The following TOP3B variants were observed in gnomAD, a reference collection of about 807,000 sequenced individuals.
TOP3B encodes the protein DNA topoisomerase III beta.
TOP3B carries 45 observed loss-of-function variants against 93.9 expected under a neutral mutation model. That is an observed-to-expected ratio of 0.48 (90% CI 0.38 to 0.61). The LOEUF (loss-of-function observed/expected upper bound fraction) is 0.61, where lower values mean the gene tolerates loss of function less well. Among genes scored for constraint, TOP3B ranks in the 20% least tolerant of loss-of-function variants. TOP3B has a pLI of 0.00. For synonymous variants in TOP3B, 357 were observed against 472.6 expected, an observed-to-expected ratio of 0.76 and a Z score of 3.17; for missense variants, 750 against 1,156.1, an observed-to-expected ratio of 0.65 and a Z score of 5.09.
chr22:21,965,179 C>G, intron 9 of TOP3B, 106 bp downstream of exon 9: 1 of 667,246 alleles, frequency 1.5e-6, no homozygotes. Flanking sequence ...GGCTCAGATC[C>G]CCTTGAAGCC....
At chr22:21,968,429 C>T in intron 7 of TOP3B, 190 bp downstream of exon 7, 1 of 635,250 alleles carries the variant, frequency 1.6e-6, no homozygotes, top group Admixed American at 3.0e-5. Context: ...ATATACAGGC[C>T]CAGTCTCTTC....
At chr22:21,966,126 C>T (rs1318168673) in intron 8 of TOP3B, 2 of 152,116 alleles carry the variant, frequency 1.3e-5, no homozygotes, top group African/African-American at 2.4e-5. Flanking sequence ...TAAATGAACT[C>T]CTGGCCTCAA....
At chr22:21,969,985 G>C (rs2071568928) in intron 6 of TOP3B, 4 of 473,368 alleles carry the variant, frequency 8.5e-6, no homozygotes, top group African/African-American at 7.8e-5. Flanking sequence ...GCCCAGGCTG[G>C]TCTCAAACTG....
intron 9 of TOP3B, chr22:21,964,962 C>A (rs2071356752): frequency 4.5e-6 from 1 of 219,894 alleles, no homozygotes; most frequent in Non-Finnish European, 8.9e-6. Flanking sequence ...CTTTCCAGCC[C>A]AACCCCCTCC....
Position 21,971,787 on chromosome 22 carries a change from C to T in TOP3B, c.384+90G>A. 1.7e-6 allele frequency: 2 copies of T among 1,186,382 alleles called. No individual in the cohort carries two copies. The highest frequency in any genetic ancestry group is 3.0e-5 in the African/African-American group (2 of 66,658). 73.5% of individuals were successfully genotyped at this position (1,186,382 alleles called of 1,614,324 possible). A position where few individuals can be genotyped will look rare whatever the true frequency, so the allele number is the denominator to read the frequency against. On this transcript the variant is annotated intron_variant, in intron 5 of 17. Coordinates refer to ENST00000357179, the MANE Select transcript of TOP3B (RefSeq NM_001282112.2). The surrounding 1 kb of genome is among the most constrained non-coding windows in gnomAD (Gnocchi z 4.6). ...GGTACAGTTTACTCCCTCCTTTGGC[C>T]CCAGGAGTGATGTGACTGACTGCTG...
intron 17 of TOP3B, 57 bp downstream of exon 17, chr22:21,958,435 T>A (rs1446759216): frequency 6.2e-7 from 1 of 1,611,024 alleles, no homozygotes; most frequent in Non-Finnish European, 8.5e-7. Context: ...AAGGCAGGGG[T>A]TGGCACTGAA....
At chr22:21,965,212 G>A (rs1379971168) in intron 9 of TOP3B, 73 bp downstream of exon 9, 8 of 1,104,502 alleles carry the variant, frequency 7.2e-6, no homozygotes, top group Non-Finnish European at 1.0e-5. Flanking sequence ...CTGCAACCCT[G>A]GGCACTCGCT....
At chr22:21,959,904 T>G in intron 14 of TOP3B, 168 bp from the exon 15 acceptor site, 1 of 909,862 alleles carries the variant, frequency 1.1e-6, no homozygotes, top group Non-Finnish European at 1.6e-6. Context: ...AGGCTGGCTC[T>G]TATGACCCCA....
chr22:21,975,797 A>G lies in TOP3B; in HGVS notation c.-88T>C. ...TCTTCCGCAGCACAGCACTATTACC[A>G]ATGCTGACTCCTAAAGAGAAGAAAA... On this transcript the variant is annotated 5_prime_UTR_variant, in exon 2 of 18. Transcript: ENST00000357179. 1 of 1,479,332 alleles carries G rather than the reference A, an allele frequency of 6.8e-7. No homozygotes were observed. The highest frequency in any genetic ancestry group is 9.1e-7 in the Non-Finnish European group (1 of 1,104,368). 91.6% of individuals were successfully genotyped at this position (1,479,332 alleles called of 1,614,324 possible). A position where few individuals can be genotyped will look rare whatever the true frequency, so the allele number is the denominator to read the frequency against.
At chr22:21,959,779 C>G (rs766778141) in intron 14 of TOP3B, 43 bp from the exon 15 acceptor site, 24 of 1,591,474 alleles carry the variant, frequency 1.5e-5, no homozygotes, top group Non-Finnish European at 1.7e-6. Context: ...AGCACTCGCA[C>G]CCAGGGCCAT....
intron 1 of TOP3B, among the ~76,000 whole-genome samples, chr22:21,979,791 A>C (rs995438935): frequency 6.6e-6 from 1 of 151,878 alleles, no homozygotes; most frequent in African/African-American, 2.4e-5. Context: ...AATACTAAAA[A>C]TTAGCTGGGC....
intron 1 of TOP3B, among the ~76,000 whole-genome samples, chr22:21,979,553 C>G (rs1383280435): frequency 6.6e-6 from 1 of 152,016 alleles, no homozygotes; most frequent in Non-Finnish European, 1.5e-5. Flanking sequence ...TGTGATGAAC[C>G]ACATCACTGG....
rs534355022 is a variant in TOP3B, at chr22:21,958,238, C to T, written c.2107+254G>A. The T allele has an allele frequency of 9.0e-5, 122 of 1,358,804 alleles. 1 individual carries two copies. In the African/African-American group the frequency reaches 1.7e-3, roughly 19 times the overall value. 84.2% of individuals were successfully genotyped at this position (1,358,804 alleles called of 1,614,324 possible). The stretch of plus-strand genomic sequence containing the variant: ...TGCTCACTCAGCTCCAGAGGGAGCA[C>T]TGCACACCTGTGCCCAGGTCCTGAG... On this transcript the variant is annotated intron_variant, in intron 17 of 17. Transcript: ENST00000357179.
intron 7 of TOP3B, 200 bp downstream of exon 7, chr22:21,968,419 A>G: frequency 1.6e-6 from 1 of 606,142 alleles, no homozygotes. Context: ...CAGATTCAGC[A>G]TATACAGGCC....
intron 15 of TOP3B, 98 bp from the exon 16 acceptor site, chr22:21,959,330 TA>T: frequency 6.4e-7 from 1 of 1,559,076 alleles, no homozygotes; most frequent in Non-Finnish European, 8.6e-7. Context: ...AGGGTCCCTA[TA>T]GGCGGTGGTT....
intron 4 of TOP3B, chr22:21,972,173 T>C (rs1162535911): frequency 1.1e-5 from 6 of 546,746 alleles, no homozygotes; most frequent in East Asian, 9.1e-5. Flanking sequence ...AAAAAAAGTA[T>C]AAATGCAACA....
chr22:21,964,658 T>A, intron 9 of TOP3B: 2 of 345,578 alleles, frequency 5.8e-6, no homozygotes, highest in South Asian at 7.4e-5. Flanking sequence ...GCATTGTCCA[T>A]GGAGCCATAA....
At chr22:21,973,851 C>T (rs1168843249) in intron 3 of TOP3B, 4 of 152,830 alleles carry the variant, frequency 2.6e-5, no homozygotes, top group African/African-American at 9.7e-5. Flanking sequence ...CCCACATCCC[C>T]AGCCAGTGAG....
rs530604765 is a variant in TOP3B at position 21,982,570 on chromosome 22, C to A, written c.-99+160G>T. The A allele has an allele frequency of 2.0e-4, 31 of 152,446 alleles. No homozygotes were observed. In the South Asian group the frequency reaches 6.4e-3, roughly 32 times the overall value. The allele number at this position is 152,446 out of a possible 1,614,324, so 9.4% of individuals were successfully genotyped here. A position where few individuals can be genotyped will look rare whatever the true frequency, so the allele number is the denominator to read the frequency against. On this transcript the variant is annotated intron_variant, in intron 1 of 17. Transcript: ENST00000357179. ...CAAGCCCCGCGGGAGAGTATCACCC[C>A]CGCCAGGGAAGAGGCAACAAGAATG...
Sources: allele counts gnomAD v4.1 joint callset (sites outside exome capture counted in the v4.1 genomes callset), GRCh38; gene constraint gnomAD v4.1.1; non-coding constraint Gnocchi (gnomAD v3.1); transcripts MANE v1.5; gene names NCBI Gene and HGNC (gene_info 2026-07-23, HGNC 2026-07-21).